Variants in LRRC49 observed in about 807,000 individuals in gnomAD.
The protein encoded by LRRC49 is leucine-rich repeat-containing protein 49.
A neutral mutation model predicts 83.3 loss-of-function variants in LRRC49; 50 were observed. The ratio of observed to expected loss-of-function variants is 0.60; its 90% CI spans 0.48 to 0.76. The LOEUF (loss-of-function observed/expected upper bound fraction) is 0.76, where lower values mean the gene tolerates loss of function less well. Among genes scored for constraint, LRRC49 ranks in the 30% least tolerant of loss-of-function variants. The pLI, the probability that LRRC49 is intolerant of heterozygous loss-of-function variation, is 0.00. For missense variants in LRRC49, 704 were observed against 809.1 expected, an observed-to-expected ratio of 0.87 and a Z score of 1.58; for synonymous variants, 286 against 283.3, an observed-to-expected ratio of 1.01 and a Z score of -0.10.
intron 14 of LRRC49, among the ~76,000 whole-genome samples, chr15:71,018,140 C>T (rs180767096): frequency 6.6e-6 from 1 of 151,926 alleles, no homozygotes; most frequent in Non-Finnish European, 1.5e-5. Flanking sequence ...TGAAATATGG[C>T]ATAAAACTAT....
intron 7 of LRRC49, among the ~76,000 whole-genome samples, chr15:70,924,093 A>G (rs1277128740): frequency 6.6e-6 from 1 of 151,930 alleles, no homozygotes; most frequent in African/African-American, 2.4e-5. Flanking sequence ...GTCTTCTTTA[A>G]TCTAGAAGAG....
intron 14 of LRRC49, among the ~76,000 whole-genome samples, chr15:71,036,025 G>A (rs2039508394): frequency 6.6e-6 from 1 of 151,978 alleles, no homozygotes; most frequent in African/African-American, 2.4e-5. Context: ...ACTTTTTAAT[G>A]ATCGCCATCC....
Position 71,039,695 on chromosome 15 carries a change from G to A in LRRC49, c.1857+2363G>A, listed in dbSNP as rs180750761. On this transcript the variant is annotated intron_variant, in intron 15 of 15. Transcript: ENST00000260382. Reference sequence around the variant, plus strand: ...AAAAAATGTTTTCAATCTGCAGTTGGTTGAATTCACAGATGCAGAATCCAC... The same window carrying A: ...AAAAAATGTTTTCAATCTGCAGTTGATTGAATTCACAGATGCAGAATCCAC... Among the ~76,000 whole-genome samples, 370 of 152,286 alleles carry A rather than the reference G, an allele frequency of 2.4e-3. 1 individual carries two copies. Among genetic ancestry groups the A allele is most frequent in the Middle Eastern group, 6.8e-3 (2 of 294 alleles).
chr15:71,028,038 T>A (rs2039230192), intron 14 of LRRC49, among the ~76,000 whole-genome samples: 1 of 152,254 alleles, frequency 6.6e-6, no homozygotes, highest in South Asian at 2.1e-4. Context: ...TCAAAGGGAA[T>A]GCTTCCAGCT....
chr15:70,919,690 C>T (rs2034934962), intron 7 of LRRC49, among the ~76,000 whole-genome samples: 1 of 152,124 alleles, frequency 6.6e-6, no homozygotes, highest in African/African-American at 2.4e-5. Context: ...CTTCATCTCT[C>T]ATTAGCTGTG....
Position 70,964,012 on chromosome 15 carries a change from A to C in LRRC49, c.921+80A>C, listed in dbSNP as rs1436733263. On this transcript the variant is annotated intron_variant, in intron 9 of 15. Coordinates refer to ENST00000260382, the MANE Select transcript of LRRC49 (RefSeq NM_017691.5). ...AATTGGGATGCATATTCTTTGCTTG[A>C]AATGCTTCTTAATTTTAGTGAACTA... 2.9e-6 allele frequency: 4 copies of C among 1,380,750 alleles called. No individual in the cohort carries two copies. The Admixed American group carries it at 6.3e-5, about 22-fold the overall frequency. The allele number at this position is 1,380,750 out of a possible 1,614,324, so 85.5% of individuals were successfully genotyped here. A position where few individuals can be genotyped will look rare whatever the true frequency, so the allele number is the denominator to read the frequency against.
intron 8 of LRRC49, among the ~76,000 whole-genome samples, chr15:70,959,966 G>C (rs1182560697): frequency 6.6e-6 from 1 of 152,156 alleles, no homozygotes; most frequent in Non-Finnish European, 1.5e-5. Context: ...AAACATCATA[G>C]GGAATATACT....
intron 14 of LRRC49, among the ~76,000 whole-genome samples, chr15:71,031,523 T>C (rs530365380): frequency 6.6e-6 from 1 of 152,326 alleles, no homozygotes; most frequent in East Asian, 1.9e-4. Flanking sequence ...GCTCGTGCAC[T>C]GTGCTGGGAG....
chr15:70,990,713 C>T (rs2037843684), intron 11 of LRRC49, among the ~76,000 whole-genome samples: 1 of 152,248 alleles, frequency 6.6e-6, no homozygotes, highest in South Asian at 2.1e-4. Flanking sequence ...GCAGAAATCA[C>T]CCGTCTTCTG....
At chr15:70,867,234 G>A (rs148547796) in intron 1 of LRRC49, among the ~76,000 whole-genome samples, 1 of 152,202 alleles carries the variant, frequency 6.6e-6, no homozygotes, top group Non-Finnish European at 1.5e-5. Context: ...AGAGAAAGAG[G>A]CTTGTAAGGG....
At chr15:70,989,678 C>T (rs1187036221) in intron 11 of LRRC49, among the ~76,000 whole-genome samples, 1 of 152,198 alleles carries the variant, frequency 6.6e-6, no homozygotes, top group Non-Finnish European at 1.5e-5. Flanking sequence ...TGGTGAGGAG[C>T]TGTGTTACTT....
intron 6 of LRRC49, among the ~76,000 whole-genome samples, chr15:70,914,552 T>C (rs1332239731): frequency 6.6e-6 from 1 of 152,068 alleles, no homozygotes; most frequent in East Asian, 1.9e-4. Flanking sequence ...ACTAAAGTAG[T>C]AGCAATAAGG....
intron 5 of LRRC49, chr15:70,907,764 C>T (rs1280483012): frequency 5.7e-6 from 2 of 350,626 alleles, no homozygotes; most frequent in Non-Finnish European, 1.1e-5. Flanking sequence ...CTAGAGGCCT[C>T]AGGTGATGGG....
chr15:70,913,895 A>G (rs1341203187), intron 6 of LRRC49, among the ~76,000 whole-genome samples: 2 of 152,072 alleles, frequency 1.3e-5, no homozygotes, highest in Non-Finnish European at 2.9e-5. Context: ...TCTGTACCTT[A>G]TGTATAGGCA....
chr15:71,008,706 G>A (rs887430031), intron 12 of LRRC49, 90 bp downstream of exon 12: 9 of 856,872 alleles, frequency 1.1e-5, no homozygotes, highest in African/African-American at 6.8e-5. Flanking sequence ...TTGTATTTAT[G>A]TAGTTTCTAT....
At chr15:71,027,648 G>C (rs1274970495) in intron 14 of LRRC49, among the ~76,000 whole-genome samples, 1 of 151,634 alleles carries the variant, frequency 6.6e-6, no homozygotes, top group Non-Finnish European at 1.5e-5. Context: ...TCCTTGAAGA[G>C]GTCCTTCACA....
upstream of LRRC49, among the ~76,000 whole-genome samples, chr15:70,888,680 A>C (rs1426956356): frequency 6.6e-6 from 1 of 152,184 alleles, no homozygotes; most frequent in Non-Finnish European, 1.5e-5. Context: ...ACCAAGAGGC[A>C]ACCCATAGTG....
At chr15:70,920,295 C>T (rs894612557) in intron 7 of LRRC49, among the ~76,000 whole-genome samples, 1 of 152,044 alleles carries the variant, frequency 6.6e-6, no homozygotes, top group African/African-American at 2.4e-5. Flanking sequence ...GAAGGTTTCC[C>T]AGAAAATATG....
chr15:71,049,589 C>G lies in LRRC49; in HGVS notation c.2038C>G (p.Gln680Glu), dbSNP rs556705920. 1.2e-6 allele frequency: 2 copies of G among 1,600,898 alleles called. No homozygotes were observed. The highest frequency in any genetic ancestry group is 2.7e-5 in the African/African-American group (2 of 74,252). ...NKNSYMKLCLQQITDQK is the reference protein window; with the variant it reads ...NKNSYMKLCLEQITDQK Reference sequence around the variant, plus strand: ...AAATTCCTATATGAAGCTCTGCCTACAGCAGATAACAGACCAAAAATAAAA... The same window carrying G: ...AAATTCCTATATGAAGCTCTGCCTAGAGCAGATAACAGACCAAAAATAAAA... Residue 680 changes from glutamine to glutamate, a missense_variant, in exon 16 of 16, where the codon CAG becomes GAG. By Grantham distance (29) the Gln-to-Glu change is conservative (BLOSUM62 2). Around this residue, in one of 3 missense-constraint regions of LRRC49, gnomAD observed 275 missense variants for 338.0 expected, o/e 0.81. Coordinates refer to ENST00000260382, the MANE Select transcript of LRRC49 (RefSeq NM_017691.5).
Sources: gnomAD v4.1 joint callset for allele counts (sites outside exome capture counted in the v4.1 genomes callset) on GRCh38, gnomAD v4.1.1 for gene constraint, gnomAD v4.1.1 regional missense constraint, MANE v1.5 for transcripts, NCBI Gene and HGNC (gene_info 2026-07-23, HGNC 2026-07-21) for gene names.